The following GABRA1 variants were observed in gnomAD, a reference collection of about 807,000 sequenced individuals.
GABRA1 encodes the protein gamma-aminobutyric acid receptor subunit alpha-1.
A neutral mutation model predicts 48.9 loss-of-function variants in GABRA1; 9 were observed. That is an observed-to-expected ratio of 0.18 (90% CI 0.11 to 0.32). The LOEUF is 0.32. Ranked by LOEUF, GABRA1 falls within the 10% of genes least tolerant of loss-of-function variation. The pLI is 1.00. For missense variants in GABRA1, 285 were observed against 553.8 expected (o/e 0.51, Z 4.87); for synonymous variants, 210 against 198.7 (o/e 1.06, Z -0.48).
intron 3 of GABRA1, among the ~76,000 whole-genome samples, chr5:161,865,181 G>A (rs1758004685): frequency 6.6e-6 from 1 of 152,000 alleles, no homozygotes; most frequent in African/African-American, 2.4e-5. Flanking sequence ...AAATTGAAGA[G>A]ACTTATATGG....
At chr5:161,871,723 T>C (rs1754129145) in intron 4 of GABRA1, among the ~76,000 whole-genome samples, 1 of 152,198 alleles carries the variant, frequency 6.6e-6, no homozygotes, top group Non-Finnish European at 1.5e-5. Flanking sequence ...GTGCCTTTCA[T>C]CTGACACTTC....
chr5:161,860,891 T>C (rs1757830756), intron 3 of GABRA1, among the ~76,000 whole-genome samples: 2 of 151,852 alleles, frequency 1.3e-5, no homozygotes, highest in Non-Finnish European at 1.5e-5. Flanking sequence ...TCTTGACCTT[T>C]TTATATAGTT....
chr5:161,879,826 T>C (rs1423174109), intron 6 of GABRA1, among the ~76,000 whole-genome samples: 16 of 152,128 alleles, frequency 1.1e-4, no homozygotes, highest in African/African-American at 3.6e-4. Flanking sequence ...CAAAATTATA[T>C]AAAATGAAAA....
chr5:161,894,675 T>C (rs887547278), intron 8 of GABRA1, among the ~76,000 whole-genome samples: 3 of 151,734 alleles, frequency 2.0e-5, no homozygotes, highest in African/African-American at 7.3e-5. Context: ...AACATTTTTA[T>C]ATGGTTTAAA....
intron 9 of GABRA1, among the ~76,000 whole-genome samples, chr5:161,896,382 A>G (rs2113466959): frequency 6.6e-6 from 1 of 152,310 alleles, no homozygotes; most frequent in East Asian, 1.9e-4. Flanking sequence ...TCCAAAATAG[A>G]CATATGCTTT....
At chr5:161,894,311 G>A (rs915541235) in intron 8 of GABRA1, among the ~76,000 whole-genome samples, 6 of 152,016 alleles carry the variant, frequency 3.9e-5, no homozygotes, top group African/African-American at 1.2e-4. Flanking sequence ...TTTGAAACTC[G>A]GTTGCCCTGG....
chr5:161,897,294 A>G lies in GABRA1; in HGVS notation c.1243A>G (p.Ser415Gly). The change falls in exon 10 of 10, where the codon AGT becomes GGT. Residue 415 changes from serine (S) to glycine (G), a missense_variant. Physicochemically the swap from Ser to Gly is moderately conservative, Grantham distance 56 (BLOSUM62 0). Transcript: ENST00000393943. ...KPPEPKKTFN[S>G]VSKIDRLSRI... is the part of the protein sequence containing the mutation. The stretch of plus-strand genomic sequence containing the variant: ...ACCAGAACCCAAGAAAACCTTTAAC[A>G]GTGTCAGCAAAATTGACCGACTGTC... 1 of 1,614,186 alleles carries G rather than the reference A, an allele frequency of 6.2e-7. No homozygotes were observed.
At position 161,895,835 on chromosome 5, in the gene GABRA1, T is replaced by C. The variant is rs750925935; in HGVS notation, c.1026T>C (p.Tyr342=). The change falls in exon 9 of 10, where the codon TAT becomes TAC. Residue 342 remains tyrosine, a synonymous_variant. Coordinates refer to ENST00000393943, the MANE Select transcript of GABRA1 (RefSeq NM_001127644.2). ...ATVNYFTKRG[Y]AWDGKSVVPE... is the part of the protein sequence containing the mutation. ...TAAACTATTTCACTAAGAGAGGTTATGCATGGGATGGCAAAAGTGTGGTTC... is the reference window on the plus strand; with the variant it reads ...TAAACTATTTCACTAAGAGAGGTTACGCATGGGATGGCAAAAGTGTGGTTC... The C allele has an allele frequency of 3.1e-5, 50 of 1,613,892 alleles. No homozygotes were observed. The highest frequency in any genetic ancestry group is 1.6e-4 in the Middle Eastern group (1 of 6,084).
rs113378254 is a variant in GABRA1, at chr5:161,877,096, G to C, written c.559+1454G>C. 5.0e-3 allele frequency among the ~76,000 whole-genome samples: 755 copies of C among 152,110 alleles called. 5 individuals carry two copies. The highest frequency in any genetic ancestry group is 0.017 in the African/African-American group (695 of 41,508). ...ACTACATACATGTGCCACCACGCCT[G>C]GCTGATTTGTAACTTTTTTGTATGG... On this transcript the variant is annotated intron_variant, in intron 6 of 9. Coordinates refer to ENST00000393943, the MANE Select transcript of GABRA1 (RefSeq NM_001127644.2).
chr5:161,874,128 T>C (rs953837519), intron 5 of GABRA1, among the ~76,000 whole-genome samples: 8 of 152,182 alleles, frequency 5.3e-5, no homozygotes, highest in African/African-American at 1.9e-4. Context: ...ACACAGTAAT[T>C]CAGATTTTTC....
intron 3 of GABRA1, among the ~76,000 whole-genome samples, chr5:161,858,719 T>C (rs1436397225): frequency 6.6e-6 from 1 of 151,832 alleles, no homozygotes; most frequent in Non-Finnish European, 1.5e-5. Flanking sequence ...AAACATGCTA[T>C]AGCTGAAGGA....
rs990347964 is a variant in GABRA1, at chr5:161,898,285, A to G, written c.*863A>G. 1 of 152,610 alleles carries G rather than the reference A, an allele frequency of 6.6e-6. No individual in the cohort carries two copies. The allele number at this position is 152,610 out of a possible 1,614,324, so 9.5% of individuals were successfully genotyped here. A position where few individuals can be genotyped will look rare whatever the true frequency, so the allele number is the denominator to read the frequency against. On this transcript the variant is annotated 3_prime_UTR_variant, in exon 10 of 10. Coordinates refer to ENST00000393943, the MANE Select transcript of GABRA1 (RefSeq NM_001127644.2). ...GCCCAACACTCACTTAATTCTCATT[A>G]TGAAGATGTTTTTAGAGGGGCAAAA...
At chr5:161,894,520 C>T (rs1356336089) in intron 8 of GABRA1, among the ~76,000 whole-genome samples, 2 of 152,124 alleles carry the variant, frequency 1.3e-5, no homozygotes, top group African/African-American at 4.8e-5. Flanking sequence ...GATATGGGCA[C>T]AGAGTTCCTA....
chr5:161,862,089 C>T (rs1008350618), intron 3 of GABRA1, among the ~76,000 whole-genome samples: 1 of 151,914 alleles, frequency 6.6e-6, no homozygotes, highest in Non-Finnish European at 1.5e-5. Context: ...TTATTCATTC[C>T]CTCCTCCATT....
At chr5:161,858,881 A>T (rs1757748864) in intron 3 of GABRA1, among the ~76,000 whole-genome samples, 1 of 151,794 alleles carries the variant, frequency 6.6e-6, no homozygotes, top group South Asian at 2.1e-4. Context: ...ATAAATGCCC[A>T]TCAAAAGTTT....
intron 3 of GABRA1, among the ~76,000 whole-genome samples, chr5:161,862,910 C>T (rs1247956230): frequency 6.6e-6 from 1 of 151,836 alleles, no homozygotes; most frequent in African/African-American, 2.4e-5. Flanking sequence ...AATCACATAG[C>T]TTGTTCTCGA....
intron 1 of GABRA1, 83 bp downstream of exon 1, chr5:161,848,505 C>CGGGGGGGGGGGGGGG (rs35469580): frequency 3.3e-5 from 1 of 30,702 alleles, no homozygotes; most frequent in African/African-American, 1.5e-4. Context: ...ATGTTATAGT[C>CGGGGGGGGGGGGGGG]GGGGGGGGGG....
rs777649753 is a variant in GABRA1 at position 161,865,785 on chromosome 5, T to C, written c.252T>C (p.Asp84=). The change falls in exon 4 of 10, where the codon GAT becomes GAC. Residue 84 remains aspartate, a synonymous_variant. Transcript: ENST00000393943. Reference sequence around the variant, plus strand: ...GTTTCGGACCCGTTTCAGACCATGATATGGTAAGTGGACACTTTATCTTTG... The same window carrying C: ...GTTTCGGACCCGTTTCAGACCATGACATGGTAAGTGGACACTTTATCTTTG... ...VTSFGPVSDH[D]MEYTIDVFFR... 4 of 1,610,534 alleles carry C rather than the reference T, an allele frequency of 2.5e-6. No homozygotes were observed. The Admixed American group carries it at 5.0e-5, about 20-fold the overall frequency.
intron 7 of GABRA1, among the ~76,000 whole-genome samples, chr5:161,886,092 G>T (rs1754833190): frequency 6.6e-6 from 1 of 152,068 alleles, no homozygotes; most frequent in African/African-American, 2.4e-5. Flanking sequence ...ATATATGGGG[G>T]CCCAGAGAAG....
Sources: gnomAD v4.1 joint callset for allele counts (sites outside exome capture counted in the v4.1 genomes callset) on GRCh38, gnomAD v4.1.1 for gene constraint, MANE v1.5 for transcripts, NCBI Gene and HGNC (gene_info 2026-07-23, HGNC 2026-07-21) for gene names.